Variants in LINGO2 observed in about 807,000 individuals in gnomAD.
The protein encoded by LINGO2 is leucine rich repeat and Ig domain containing 2.
In LINGO2, 14 loss-of-function variants were observed where a neutral mutation model predicts 30.6. The observed-to-expected ratio is 0.46, with a 90% CI of 0.30 to 0.72. LINGO2 has a LOEUF of 0.72. LINGO2 is among the 30% of genes least tolerant of loss of function. LINGO2 has a pLI of 0.07. For synonymous variants in LINGO2, 317 were observed against 288.5 expected (o/e 1.10, Z -1.00); for missense variants, 729 against 751.7 (o/e 0.97, Z 0.35).
At chr9:27,989,681 A>G (rs1319783660) in intron 5 of LINGO2, among the ~76,000 whole-genome samples, 2 of 152,008 alleles carry the variant, frequency 1.3e-5, no homozygotes, top group Non-Finnish European at 2.9e-5. Flanking sequence ...AAAAGAACAC[A>G]GATAACTATG....
intron 2 of LINGO2, among the ~76,000 whole-genome samples, chr9:28,424,088 A>G (rs960420709): frequency 6.6e-6 from 1 of 152,124 alleles, no homozygotes; most frequent in Non-Finnish European, 1.5e-5. Flanking sequence ...ATTGTCTGTC[A>G]TACTAATTTA....
chr9:29,001,781 T>C, the LINGO2 span, among the ~76,000 whole-genome samples: 1 of 151,800 alleles, frequency 6.6e-6, no homozygotes, highest in African/African-American at 2.4e-5. Context: ...CTATATTGCA[T>C]ATATATATAT....
At chr9:28,595,938 C>G (rs1825153417) in intron 1 of LINGO2, among the ~76,000 whole-genome samples, 1 of 152,026 alleles carries the variant, frequency 6.6e-6, no homozygotes, top group Non-Finnish European at 1.5e-5. Flanking sequence ...AAAGGTAAAA[C>G]ACATTGCTTT....
intron 4 of LINGO2, among the ~76,000 whole-genome samples, chr9:28,152,319 T>C (rs1157919223): frequency 1.3e-5 from 2 of 150,680 alleles, no homozygotes; most frequent in Non-Finnish European, 3.0e-5. Context: ...CTCTCTCTCT[T>C]GCTTTCTTTC....
intron 4 of LINGO2, among the ~76,000 whole-genome samples, chr9:28,264,132 C>T (rs544271607): frequency 6.6e-6 from 1 of 151,748 alleles, no homozygotes; most frequent in East Asian, 1.9e-4. Flanking sequence ...GCTAAAATGG[C>T]TCATTTGGAT....
chr9:28,907,430 G>A, the LINGO2 span, among the ~76,000 whole-genome samples: 90 of 151,868 alleles, frequency 5.9e-4, no homozygotes, highest in South Asian at 1.7e-3. Context: ...TTGGCAGGTG[G>A]TAAGGAAACT....
intron 4 of LINGO2, among the ~76,000 whole-genome samples, chr9:28,017,230 C>G (rs1822884535): frequency 2.0e-5 from 3 of 152,140 alleles, no homozygotes; most frequent in Admixed American, 1.3e-4. Flanking sequence ...CCACAGCCAA[C>G]ATCATACTGA....
intron 3 of LINGO2, among the ~76,000 whole-genome samples, chr9:28,313,834 T>A (rs1420662657): frequency 6.6e-6 from 1 of 152,218 alleles, no homozygotes; most frequent in Non-Finnish European, 1.5e-5. Flanking sequence ...GTACTTTGTA[T>A]GTGTCTCTGA....
At chr9:28,124,629 C>A (rs1827189030) in intron 4 of LINGO2, among the ~76,000 whole-genome samples, 1 of 152,088 alleles carries the variant, frequency 6.6e-6, no homozygotes, top group African/African-American at 2.4e-5. Flanking sequence ...ACTTATTTTT[C>A]CCAGTGAAAC....
intron 4 of LINGO2, among the ~76,000 whole-genome samples, chr9:28,063,174 ACTTT>A (rs767727159): frequency 1.2e-4 from 19 of 152,106 alleles, no homozygotes; most frequent in East Asian, 1.2e-3. Context: ...AACAATTCAT[ACTTT>A]CTTTTAGTTT....
chr9:28,620,398 C>T (rs1826337040), intron 1 of LINGO2, among the ~76,000 whole-genome samples: 1 of 152,018 alleles, frequency 6.6e-6, no homozygotes, highest in African/African-American at 2.4e-5. Context: ...TCCTCTTTGC[C>T]CCATTCAGTT....
the LINGO2 span, among the ~76,000 whole-genome samples, chr9:28,817,243 A>G: frequency 6.6e-6 from 1 of 152,166 alleles, no homozygotes; most frequent in Non-Finnish European, 1.5e-5. Context: ...AAGATAAAAA[A>G]AAAAGGGGGA....
At chr9:28,312,798 T>G (rs1391564510) in intron 3 of LINGO2, among the ~76,000 whole-genome samples, 1 of 152,220 alleles carries the variant, frequency 6.6e-6, no homozygotes, top group Non-Finnish European at 1.5e-5. Flanking sequence ...TAATCATTTA[T>G]ATCACTCTCA....
At chr9:27,996,764 CCACA>C (rs1300713839) in intron 5 of LINGO2, among the ~76,000 whole-genome samples, 5 of 152,152 alleles carry the variant, frequency 3.3e-5, no homozygotes, top group Admixed American at 2.0e-4. Flanking sequence ...TTGCAACATT[CCACA>C]CACAAAGAAG....
chr9:28,645,871 G>A (rs1385219790), intron 1 of LINGO2, among the ~76,000 whole-genome samples: 3 of 152,072 alleles, frequency 2.0e-5, no homozygotes, highest in Non-Finnish European at 4.4e-5. Flanking sequence ...TGAAGGCAGT[G>A]CGCAGATTGA....
At chr9:28,386,161 G>C (rs923307572) in intron 2 of LINGO2, among the ~76,000 whole-genome samples, 2 of 152,120 alleles carry the variant, frequency 1.3e-5, no homozygotes, top group Non-Finnish European at 2.9e-5. Flanking sequence ...GTGTATCTCT[G>C]TTTTAAAGGG....
At chr9:28,609,519 T>C (rs1175886578) in intron 1 of LINGO2, among the ~76,000 whole-genome samples, 1 of 152,028 alleles carries the variant, frequency 6.6e-6, no homozygotes. Flanking sequence ...AGTTATTGAA[T>C]CTTCTTTTAA....
intron 4 of LINGO2, among the ~76,000 whole-genome samples, chr9:28,089,033 C>A (rs574304600): frequency 6.6e-6 from 1 of 152,288 alleles, no homozygotes; most frequent in South Asian, 2.1e-4. Flanking sequence ...AATATATATG[C>A]ACCCAATGCA....
the LINGO2 span, chr9:27,939,618 C>T: frequency 2.0e-5 from 3 of 152,216 alleles, no homozygotes; most frequent in African/African-American, 7.2e-5. Context: ...CTGGATGCCA[C>T]AGTATGGATT....
Sources: allele counts gnomAD v4.1 joint callset (sites outside exome capture counted in the v4.1 genomes callset), GRCh38; gene constraint gnomAD v4.1.1; transcripts MANE v1.5; gene names NCBI Gene and HGNC (gene_info 2026-07-23, HGNC 2026-07-21).